Variants in MAP7 observed in about 807,000 individuals in gnomAD.
MAP7 encodes the protein microtubule associated protein 7.
Under a neutral mutation model 94.8 loss-of-function variants are expected in MAP7, and 52 were observed. The ratio of observed to expected loss-of-function variants is 0.55; its 90% confidence interval spans 0.44 to 0.69. The LOEUF (loss-of-function observed/expected upper bound fraction) is 0.69. Among genes scored for constraint, MAP7 ranks in the 30% least tolerant of loss-of-function variants. The pLI is 0.00. For synonymous variants in MAP7, 350 were observed against 357.0 expected (o/e 0.98, Z 0.22); for missense variants, 940 against 964.6 (o/e 0.97, Z 0.34).
rs188728331 is a variant in MAP7 at position 136,529,151 on chromosome 6, G to C, written c.67+21191C>G. On this transcript the variant is annotated intron_variant, in intron 1 of 17. Coordinates refer to ENST00000354570, the MANE Select transcript of MAP7 (RefSeq NM_003980.6). ...CCTGAACTCTTTGAGATGGAGTCTCGCTGTCGCCAGGCTGGAGTGCAGTCG... is the reference window on the plus strand; with the variant it reads ...CCTGAACTCTTTGAGATGGAGTCTCCCTGTCGCCAGGCTGGAGTGCAGTCG... Among the ~76,000 whole-genome samples the C allele has an allele frequency of 4.4e-4, 67 of 152,156 alleles. 1 individual carries two copies. The highest frequency in any genetic ancestry group is 3.7e-3 in the East Asian group (19 of 5,172).
At chr6:136,455,473 T>C (rs957559768) in intron 1 of MAP7, among the ~76,000 whole-genome samples, 6 of 152,046 alleles carry the variant, frequency 3.9e-5, no homozygotes, top group Non-Finnish European at 5.9e-5. Context: ...AAAAACACGA[T>C]AGACCAAATG....
chr6:136,366,573 CCATCTCA>C lies in MAP7; in HGVS notation c.877-141_877-135del. The C allele has an allele frequency of 6.3e-6, 4 of 638,636 alleles. No homozygotes were observed. In the South Asian group the frequency reaches 7.4e-5, roughly 12 times the overall value. The allele number at this position is 638,636 out of a possible 1,614,324, so 39.6% of individuals were successfully genotyped here. A position where few individuals can be genotyped will look rare whatever the true frequency, so the allele number is the denominator to read the frequency against. On this transcript the variant is annotated intron_variant, in intron 8 of 17. Transcript: ENST00000354570. ...CTTAGCTATGTCACATATACCCATT[CCATCTCA>C]ACAAAAGGCCCTTGTTAGCTTAACA...
At chr6:136,437,142 A>T (rs1485164394) in intron 1 of MAP7, among the ~76,000 whole-genome samples, 1 of 152,190 alleles carries the variant, frequency 6.6e-6, no homozygotes, top group East Asian at 1.9e-4. Flanking sequence ...CTGGTATAAC[A>T]GCCCCCTGAC....
Position 136,483,971 on chromosome 6 carries a change from T to C in MAP7, c.68-62172A>G, listed in dbSNP as rs142232896. Among the ~76,000 whole-genome samples the C allele has an allele frequency of 4.9e-3, 743 of 152,332 alleles. 3 individuals carry two copies. Among genetic ancestry groups the C allele is most frequent in the African/African-American group, 0.016 (657 of 41,564 alleles). On this transcript the variant is annotated intron_variant, in intron 1 of 17. Coordinates refer to ENST00000354570, the MANE Select transcript of MAP7 (RefSeq NM_003980.6). The stretch of plus-strand genomic sequence containing the variant: ...TATGAAAATTGAGCAAAGAGCAATT[T>C]GAAGGTGAAACTTGCTGGCTCTGTG...
intron 16 of MAP7, among the ~76,000 whole-genome samples, chr6:136,352,325 C>T (rs1282229122): frequency 1.3e-5 from 2 of 151,732 alleles, no homozygotes; most frequent in Non-Finnish European, 2.9e-5. Flanking sequence ...GTAGATGGGA[C>T]GATAGGTGTA....
intron 1 of MAP7, among the ~76,000 whole-genome samples, chr6:136,513,553 A>T (rs1285136861): frequency 1.3e-5 from 2 of 152,298 alleles, no homozygotes; most frequent in Non-Finnish European, 1.5e-5. Context: ...GAAGTCTTAA[A>T]CCCCTCAAAG....
At chr6:136,374,744 T>C (rs555440887) in intron 7 of MAP7, among the ~76,000 whole-genome samples, 11 of 152,292 alleles carry the variant, frequency 7.2e-5, no homozygotes, top group African/African-American at 2.6e-4. Context: ...GTATAGTCCA[T>C]AGAAAAACAT....
At chr6:136,519,023 T>C (rs1327070269) in intron 1 of MAP7, among the ~76,000 whole-genome samples, 1 of 152,218 alleles carries the variant, frequency 6.6e-6, no homozygotes, top group Non-Finnish European at 1.5e-5. Context: ...GGTTAAATCA[T>C]GTTCCTCTTG....
intron 1 of MAP7, among the ~76,000 whole-genome samples, chr6:136,445,627 T>A (rs184154206): frequency 2.3e-4 from 35 of 152,342 alleles, no homozygotes; most frequent in Non-Finnish European, 4.4e-5. Context: ...TAGAAGTGAC[T>A]TTTAGCCTCT....
At chr6:136,445,090 G>A (rs1254027777) in intron 1 of MAP7, among the ~76,000 whole-genome samples, 2 of 152,104 alleles carry the variant, frequency 1.3e-5, no homozygotes, top group African/African-American at 4.8e-5. Flanking sequence ...CGTTAAGGAC[G>A]ATCCACCCCA....
intron 9 of MAP7, 76 bp downstream of exon 9, chr6:136,366,251 C>G: frequency 8.1e-7 from 1 of 1,229,620 alleles, no homozygotes; most frequent in Non-Finnish European, 1.2e-6. Flanking sequence ...ATGAGAAGAA[C>G]AGTTCACTTT....
In MAP7 at chr6:136,348,877, C is replaced by T. The variant is rs115813119; in HGVS notation, c.2016-2798G>A. Among the ~76,000 whole-genome samples, 1,266 of 152,140 alleles carry T rather than the reference C, an allele frequency of 8.3e-3. 16 individuals are homozygous for T. The highest frequency in any genetic ancestry group is 0.029 in the African/African-American group (1,192 of 41,518). On this transcript the variant is annotated intron_variant, in intron 16 of 17. Transcript: ENST00000354570. The stretch of plus-strand genomic sequence containing the variant: ...TTTAAAAAAAAAGACGAACATTCTA[C>T]GAAAAGACAGCTCCCCTACGGCAAT...
chr6:136,419,870 CT>C (rs1305375937), intron 2 of MAP7: 1 of 461,496 alleles, frequency 2.2e-6, no homozygotes, highest in African/African-American at 2.0e-5. Flanking sequence ...CATATTAAAG[CT>C]GTGTGTCAAG....
chr6:136,434,756 A>G (rs533633118), intron 1 of MAP7, among the ~76,000 whole-genome samples: 1 of 152,354 alleles, frequency 6.6e-6, no homozygotes, highest in South Asian at 2.1e-4. Flanking sequence ...GAAAAACACC[A>G]AAACAAAAGA....
At chr6:136,420,059 G>C (rs1414844763) in intron 2 of MAP7, 5 of 841,004 alleles carry the variant, frequency 5.9e-6, no homozygotes, top group Non-Finnish European at 1.0e-5. Flanking sequence ...TTCTGAGCTC[G>C]ATTAATTACA....
At chr6:136,427,006 A>G (rs1793364039) in intron 1 of MAP7, among the ~76,000 whole-genome samples, 1 of 152,260 alleles carries the variant, frequency 6.6e-6, no homozygotes, top group Non-Finnish European at 1.5e-5. Context: ...TCTGCCTTCT[A>G]TAGAATTTAG....
chr6:136,353,626 T>G (rs1789864745), intron 16 of MAP7, among the ~76,000 whole-genome samples: 1 of 152,202 alleles, frequency 6.6e-6, no homozygotes, highest in Admixed American at 6.5e-5. Flanking sequence ...TGATCAAGGC[T>G]CACTGCAGCT....
At chr6:136,431,749 C>T (rs186435281) in intron 1 of MAP7, among the ~76,000 whole-genome samples, 1 of 152,190 alleles carries the variant, frequency 6.6e-6, no homozygotes, top group African/African-American at 2.4e-5. Context: ...AACTCCTCAC[C>T]CCAGGTGATC....
At chr6:136,404,955 G>C (rs1785154647) in intron 3 of MAP7, among the ~76,000 whole-genome samples, 2 of 152,206 alleles carry the variant, frequency 1.3e-5, no homozygotes, top group South Asian at 4.1e-4. Context: ...TAATAGGATA[G>C]ATCCATAGGA....
Sources: allele counts gnomAD v4.1 joint callset (sites outside exome capture counted in the v4.1 genomes callset), GRCh38; gene constraint gnomAD v4.1.1; transcripts MANE v1.5; gene names NCBI Gene and HGNC (gene_info 2026-07-23, HGNC 2026-07-21).